The following KCNQ1 variants were observed in gnomAD, a reference collection of about 807,000 sequenced individuals.
The protein encoded by KCNQ1 is potassium voltage-gated channel subfamily Q member 1.
Under a neutral mutation model 72.4 loss-of-function variants are expected in KCNQ1, and 49 were observed. The observed-to-expected ratio is 0.68, with a 90% CI of 0.54 to 0.86. KCNQ1 has a LOEUF of 0.86. Among genes scored for constraint, KCNQ1 ranks in the 40% least tolerant of loss-of-function variants. The probability of loss-of-function intolerance (pLI) is 0.00; values close to 1 mark genes in which losing one functional copy is unlikely to be tolerated. For synonymous variants in KCNQ1, 450 were observed against 412.6 expected (o/e 1.09, Z -1.10); for missense variants, 790 against 945.1 (o/e 0.84, Z 2.15).
chr11:2,733,857 C>CGCTCTCTCTCTCTCTCTCTCTCT (rs147278439), intron 11 of KCNQ1, among the ~76,000 whole-genome samples: 1 of 76,322 alleles, frequency 1.3e-5, no homozygotes, highest in Non-Finnish European at 2.5e-5. Context: ...CTCTCTCTCT[C>CGCTCTCTCTCTCTCTCTCTCTCT]CCCCCCCACT....
chr11:2,467,506 A>G (rs1188360988), intron 1 of KCNQ1, among the ~76,000 whole-genome samples: 1 of 152,192 alleles, frequency 6.6e-6, no homozygotes, highest in African/African-American at 2.4e-5. Context: ...ATACAGCCTC[A>G]GGAAGTGGTT....
Position 2,464,918 on chromosome 11 carries a change from A to G in KCNQ1, c.386+19434A>G, listed in dbSNP as rs1294383170. ...TCCTGCCCGAGGAAGTAAGACAGCA[A>G]TCTCTGGGGTCCTGGGCACCAACTC... is the stretch of plus-strand genomic sequence containing the variant. On this transcript the variant is annotated intron_variant, in intron 1 of 15. Coordinates refer to ENST00000155840, the MANE Select transcript of KCNQ1 (RefSeq NM_000218.3). This position sits in a 1 kb window ranked among gnomAD's most constrained non-coding sequence, Gnocchi z 5.0. Among the ~76,000 whole-genome samples, 1 of 152,062 alleles carries G rather than the reference A, an allele frequency of 6.6e-6. No individual in the cohort carries two copies. Among genetic ancestry groups the G allele is most frequent in the African/African-American group, 2.4e-5 (1 of 41,394 alleles).
chr11:2,672,428 C>A, intron 11 of KCNQ1: 1 of 398,574 alleles, frequency 2.5e-6, no homozygotes, highest in Non-Finnish European at 4.4e-6. Context: ...GAACAGTCCA[C>A]CCCAGGGGCT....
chr11:2,687,920 GTGAGGCTGCA>G lies in KCNQ1; in HGVS notation c.1514+25840_1514+25849del, dbSNP rs1850518652. 2.5e-6 allele frequency: 1 copy of G among 398,654 alleles called. No individual in the cohort carries two copies. The highest frequency in any genetic ancestry group is 1.3e-4 in the South Asian group (1 of 7,872). The allele number at this position is 398,654 out of a possible 1,614,324, so 24.7% of individuals were successfully genotyped here. A position where few individuals can be genotyped will look rare whatever the true frequency, so the allele number is the denominator to read the frequency against. On this transcript the variant is annotated intron_variant, in intron 11 of 15. Coordinates refer to ENST00000155840, the MANE Select transcript of KCNQ1 (RefSeq NM_000218.3). This position sits in a 1 kb window ranked among gnomAD's most constrained non-coding sequence, Gnocchi z 5.0. The stretch of plus-strand genomic sequence containing the variant: ...GTGGGATGGAAAATCCCCAGCAGTT[GTGAGGCTGCA>G]CTTCTCCCACCCGCTGTGGGTCAGC...
chr11:2,656,775 A>G (rs1169285857), intron 10 of KCNQ1: 2 of 398,652 alleles, frequency 5.0e-6, no homozygotes, highest in Non-Finnish European at 8.8e-6. Flanking sequence ...CTTTTAAAAA[A>G]AACCATCCTA....
intron 11 of KCNQ1, among the ~76,000 whole-genome samples, chr11:2,702,147 A>T (rs1196814159): frequency 6.6e-6 from 1 of 152,166 alleles, no homozygotes; most frequent in Non-Finnish European, 1.5e-5. Flanking sequence ...CCTCCCCAGG[A>T]GGTCAGGGGA....
intron 15 of KCNQ1, among the ~76,000 whole-genome samples, chr11:2,819,489 A>G (rs1250477949): frequency 6.6e-6 from 1 of 152,224 alleles, no homozygotes; most frequent in Admixed American, 6.5e-5. Flanking sequence ...CCTGACATTG[A>G]ACCTTCCTTG....
In KCNQ1 at chr11:2,766,905, A is replaced by G. The variant is rs1276971707; in HGVS notation, c.1515-1939A>G. The stretch of plus-strand genomic sequence containing the variant: ...TTCAAATATTTTCTTTGGGCCGGGC[A>G]TGGTGGCTCATGCCTGTAATCCCAG... On this transcript the variant is annotated intron_variant, in intron 11 of 15. Transcript: ENST00000155840. The surrounding 1 kb of genome is among the most constrained non-coding windows in gnomAD (Gnocchi z 4.4). 1.3e-5 allele frequency among the ~76,000 whole-genome samples: 2 copies of G among 152,224 alleles called. No homozygotes were observed. The highest frequency in any genetic ancestry group is 2.1e-4 in the South Asian group (1 of 4,832).
rs1159060312 is a variant in KCNQ1 at position 2,602,764 on chromosome 11, A to T, written c.1393+13910A>T. On this transcript the variant is annotated intron_variant, in intron 10 of 15. Transcript: ENST00000155840. The surrounding 1 kb of genome is among the most constrained non-coding windows in gnomAD (Gnocchi z 4.8). ...GTTGATATCATTTTTCCATTTCCCA[A>T]TTAGACTTTTTGTTAACTGTCGAGT... Among the ~76,000 whole-genome samples the T allele has an allele frequency of 6.6e-6, 1 of 152,172 alleles. No individual in the cohort carries two copies. The highest frequency in any genetic ancestry group is 2.4e-5 in the African/African-American group (1 of 41,436).
intron 15 of KCNQ1, among the ~76,000 whole-genome samples, chr11:2,845,069 G>A (rs1304490175): frequency 6.6e-6 from 1 of 152,178 alleles, no homozygotes; most frequent in East Asian, 1.9e-4. Context: ...CCTGAAGGCT[G>A]AGAGACCTCC....
intron 1 of KCNQ1, among the ~76,000 whole-genome samples, chr11:2,524,264 G>T (rs1007860771): frequency 6.6e-6 from 1 of 152,168 alleles, no homozygotes; most frequent in African/African-American, 2.4e-5. Context: ...CCAGAGCCTG[G>T]CAAGTCGTCT....
intron 1 of KCNQ1, among the ~76,000 whole-genome samples, chr11:2,445,915 C>T (rs961811048): frequency 6.6e-6 from 1 of 152,172 alleles, no homozygotes; most frequent in Admixed American, 6.5e-5. Context: ...TGCCGCATCT[C>T]AGACCCCCTG....
At position 2,538,446 on chromosome 11, in the gene KCNQ1, T is replaced by A. The variant is rs1847771291; in HGVS notation, c.477+10428T>A. Among the ~76,000 whole-genome samples, 2 of 152,250 alleles carry A rather than the reference T, an allele frequency of 1.3e-5. No individual in the cohort carries two copies. Among genetic ancestry groups the A allele is most frequent in the South Asian group, 4.1e-4 (2 of 4,822 alleles). ...GCTGTCTCCACCACGATGGACATCATTTATGCCCCAGCCAGGTCCCCTGTC... is the reference window on the plus strand; with the variant it reads ...GCTGTCTCCACCACGATGGACATCAATTATGCCCCAGCCAGGTCCCCTGTC... On this transcript the variant is annotated intron_variant, in intron 2 of 15. Transcript: ENST00000155840. The surrounding 1 kb of genome is among the most constrained non-coding windows in gnomAD (Gnocchi z 6.7).
chr11:2,500,064 TGAA>T (rs1385231911), intron 1 of KCNQ1, among the ~76,000 whole-genome samples: 2 of 152,236 alleles, frequency 1.3e-5, no homozygotes, highest in Non-Finnish European at 2.9e-5. Context: ...AATATGCTCC[TGAA>T]TGACCAGAGG....
At position 2,687,049 on chromosome 11, in the gene KCNQ1, G is replaced by A; in HGVS notation, c.1514+24968G>A. On this transcript the variant is annotated intron_variant, in intron 11 of 15. Transcript: ENST00000155840. This position sits in a 1 kb window ranked among gnomAD's most constrained non-coding sequence, Gnocchi z 5.0. ...TAAAACTCAGCAGTCCCAGCTCTGG[G>A]GGACAAGGACCCACAAAGTGATGCA... 2.5e-6 allele frequency: 1 copy of A among 398,668 alleles called. No individual in the cohort carries two copies. The highest frequency in any genetic ancestry group is 6.3e-4 in the Middle Eastern group (1 of 1,590). 24.7% of individuals were successfully genotyped at this position (398,668 alleles called of 1,614,324 possible).
chr11:2,509,734 A>G lies in KCNQ1; in HGVS notation c.387-18194A>G, dbSNP rs1039710454. Among the ~76,000 whole-genome samples the G allele has an allele frequency of 2.8e-4, 43 of 150,938 alleles. 1 individual carries two copies. Among genetic ancestry groups the G allele is most frequent in the Admixed American group, 5.9e-4 (9 of 15,188 alleles). ...CTGGGCCAGGAGACAGTCCTGGGAT[A>G]GGGAAAGAAAAGAGGGGCTTCCGGG... is the stretch of plus-strand genomic sequence containing the variant. On this transcript the variant is annotated intron_variant, in intron 1 of 15. Transcript: ENST00000155840. This position sits in a 1 kb window ranked among gnomAD's most constrained non-coding sequence, Gnocchi z 6.3.
chr11:2,588,689 A>C lies in KCNQ1; in HGVS notation c.1252-24A>C. On this transcript the variant is annotated intron_variant, in intron 9 of 15. Transcript: ENST00000155840. This position sits in a 1 kb window ranked among gnomAD's most constrained non-coding sequence, Gnocchi z 5.6. ...TGGCAGACGATGTCCAGGAACCGCT[A>C]ATCTGTTGTCTTGTTTTTTTTAGGT... 6.2e-7 allele frequency: 1 copy of C among 1,612,324 alleles called. No homozygotes were observed.
At chr11:2,685,787 C>G in intron 11 of KCNQ1, 1 of 398,708 alleles carries the variant, frequency 2.5e-6, no homozygotes, top group Non-Finnish European at 4.4e-6. Context: ...AAGGGCCCTG[C>G]ACAGTCAGCG....
rs954177681 is a variant in KCNQ1 at position 2,734,990 on chromosome 11, G to A, written c.1515-33854G>A. ...GCCGCGTGCCCAGCCGGCTGTGCAC[G>A]CTGCCCCAGGCTGGTGGGGTAAGCG... On this transcript the variant is annotated intron_variant, in intron 11 of 15. Coordinates refer to ENST00000155840, the MANE Select transcript of KCNQ1 (RefSeq NM_000218.3). The surrounding 1 kb of genome is among the most constrained non-coding windows in gnomAD (Gnocchi z 7.0). Among the ~76,000 whole-genome samples the A allele has an allele frequency of 3.3e-5, 5 of 151,592 alleles. No individual in the cohort carries two copies. The highest frequency in any genetic ancestry group is 4.8e-5 in the African/African-American group (2 of 41,310).
Sources: gnomAD v4.1 joint callset for allele counts (sites outside exome capture counted in the v4.1 genomes callset) on GRCh38, gnomAD v4.1.1 for gene constraint, Gnocchi (gnomAD v3.1) non-coding constraint, MANE v1.5 for transcripts, NCBI Gene and HGNC (gene_info 2026-07-23, HGNC 2026-07-21) for gene names.